Variants in NAV2 observed in about 807,000 individuals in gnomAD.
NAV2 encodes helicase, APC down-regulated 1.
Under a neutral mutation model 223.2 loss-of-function variants are expected in NAV2, and 54 were observed. That is an observed-to-expected ratio of 0.24 (90% CI 0.19 to 0.30). NAV2 has a LOEUF of 0.30. Among genes scored for constraint, NAV2 ranks in the 10% least tolerant of loss-of-function variants. The pLI is 1.00. For synonymous variants in NAV2, 1,279 were observed against 1,239.3 expected, an observed-to-expected ratio of 1.03 and a Z score of -0.67; for missense variants, 2,806 against 3,147.5, an observed-to-expected ratio of 0.89 and a Z score of 2.60.
chr11:19,733,676 G>A (rs918780873), intron 1 of NAV2, among the ~76,000 whole-genome samples: 10 of 152,202 alleles, frequency 6.6e-5, no homozygotes, highest in Non-Finnish European at 1.0e-4. Context: ...GGAGAGGAAA[G>A]AGGGTTTTTC....
chr11:19,572,429 A>G (rs750185460), intron 1 of NAV2, among the ~76,000 whole-genome samples: 2 of 152,070 alleles, frequency 1.3e-5, no homozygotes, highest in Non-Finnish European at 2.9e-5. Flanking sequence ...TTGCTGTAGT[A>G]CTCTATCTGC....
rs906707235 is a variant in NAV2, at chr11:20,120,000, A to T, written c.*1742A>T. 1 of 152,182 alleles carries T rather than the reference A, an allele frequency of 6.6e-6. No homozygotes were observed. Among genetic ancestry groups the T allele is most frequent in the African/African-American group, 2.4e-5 (1 of 41,440 alleles). The allele number at this position is 152,182 out of a possible 1,614,324, so 9.4% of individuals were successfully genotyped here. ...TCTTCAACATACTGGTATTTTCATT[A>T]CAAAGTATGGTAAATTTTTGAGTTG... On this transcript the variant is annotated 3_prime_UTR_variant, in exon 38 of 38. Transcript: ENST00000349880.
At chr11:19,904,956 T>C (rs2042746837) in intron 6 of NAV2, among the ~76,000 whole-genome samples, 1 of 152,300 alleles carries the variant, frequency 6.6e-6, no homozygotes, top group African/African-American at 2.4e-5. Flanking sequence ...GTTGGTGTGA[T>C]TTGTTCTGGA....
chr11:19,756,463 G>A (rs1040535151), intron 1 of NAV2, among the ~76,000 whole-genome samples: 3 of 152,148 alleles, frequency 2.0e-5, no homozygotes, highest in Admixed American at 6.5e-5. Context: ...TGGACTGCGC[G>A]CAAGGGGCAG....
At chr11:19,958,996 T>G (rs1467693474) in intron 10 of NAV2, among the ~76,000 whole-genome samples, 4 of 152,178 alleles carry the variant, frequency 2.6e-5, no homozygotes, top group Non-Finnish European at 5.9e-5. Flanking sequence ...AAACTCAGCC[T>G]GATGTGGGGG....
At chr11:19,995,812 T>G (rs556860793) in intron 11 of NAV2, among the ~76,000 whole-genome samples, 1 of 152,366 alleles carries the variant, frequency 6.6e-6, no homozygotes, top group East Asian at 1.9e-4. Flanking sequence ...AAATTCCAAG[T>G]AACTGAATTG....
At chr11:19,726,474 C>T (rs2051265902) in intron 1 of NAV2, among the ~76,000 whole-genome samples, 1 of 152,204 alleles carries the variant, frequency 6.6e-6, no homozygotes, top group African/African-American at 2.4e-5. Flanking sequence ...CATGGAATGT[C>T]TTCCCCAGAT....
chr11:19,642,529 C>G (rs1381655617), intron 1 of NAV2, among the ~76,000 whole-genome samples: 1 of 152,200 alleles, frequency 6.6e-6, no homozygotes, highest in Non-Finnish European at 1.5e-5. Flanking sequence ...GCTGGATTCT[C>G]TCTGTCTCCT....
intron 10 of NAV2, among the ~76,000 whole-genome samples, chr11:19,978,436 A>T (rs2049996272): frequency 6.6e-6 from 1 of 152,198 alleles, no homozygotes; most frequent in Non-Finnish European, 1.5e-5. Context: ...ATCTAATGCA[A>T]CAAAGTATGT....
chr11:19,623,562 A>G (rs2047073852), intron 1 of NAV2, among the ~76,000 whole-genome samples: 1 of 152,142 alleles, frequency 6.6e-6, no homozygotes, highest in Non-Finnish European at 1.5e-5. Flanking sequence ...CGAATCCGCT[A>G]CTGAAGCTTG....
chr11:19,617,073 T>C (rs994508526), intron 1 of NAV2, among the ~76,000 whole-genome samples: 2 of 152,084 alleles, frequency 1.3e-5, no homozygotes, highest in Admixed American at 6.5e-5. Flanking sequence ...TCTCCTTTTT[T>C]CCCCTATTTT....
chr11:19,481,968 A>G (rs1041621863), intron 1 of NAV2, among the ~76,000 whole-genome samples: 1 of 152,222 alleles, frequency 6.6e-6, no homozygotes, highest in African/African-American at 2.4e-5. Context: ...ATGCCCCTTC[A>G]TGTTACTTTC....
chr11:20,105,847 T>C, intron 35 of NAV2, 120 bp downstream of exon 35: 2 of 794,308 alleles, frequency 2.5e-6, no homozygotes, highest in East Asian at 2.6e-5. Flanking sequence ...TCCATAAAGA[T>C]AGAAAGTGGG....
At chr11:20,054,477 A>G (rs553775651) in intron 18 of NAV2, among the ~76,000 whole-genome samples, 2 of 152,312 alleles carry the variant, frequency 1.3e-5, no homozygotes, top group African/African-American at 4.8e-5. Context: ...CCTCGGCAAT[A>G]TAGATCGATT....
At chr11:20,029,156 T>G (rs2055428762) in intron 11 of NAV2, among the ~76,000 whole-genome samples, 1 of 152,192 alleles carries the variant, frequency 6.6e-6, no homozygotes, top group Non-Finnish European at 1.5e-5. Flanking sequence ...GTACCAACTT[T>G]TCTCTGAGCA....
chr11:19,929,032 A>C (rs1343670275), intron 6 of NAV2, among the ~76,000 whole-genome samples: 1 of 152,132 alleles, frequency 6.6e-6, no homozygotes, highest in East Asian at 1.9e-4. Flanking sequence ...AAGTGGCTGG[A>C]TCCCTTGAGC....
intron 11 of NAV2, among the ~76,000 whole-genome samples, chr11:19,991,219 C>T (rs752458175): frequency 5.0e-4 from 76 of 152,280 alleles, no homozygotes; most frequent in Middle Eastern, 3.4e-3. Context: ...ACCTCCACCC[C>T]GGCTCAAGTG....
At chr11:19,493,540 C>T (rs1009074617) in intron 1 of NAV2, among the ~76,000 whole-genome samples, 3 of 152,118 alleles carry the variant, frequency 2.0e-5, no homozygotes, top group African/African-American at 7.2e-5. Flanking sequence ...TATAAAAAAG[C>T]TCGGCATCCC....
chr11:19,823,930 A>C (rs7932518), intron 1 of NAV2, among the ~76,000 whole-genome samples: 5,160 of 152,188 alleles, frequency 0.034, 275 homozygotes, highest in African/African-American at 0.12. Context: ...AAAGACAAGA[A>C]AAGAAAAGAA....
Sources: gnomAD v4.1 joint callset for allele counts (sites outside exome capture counted in the v4.1 genomes callset) on GRCh38, gnomAD v4.1.1 for gene constraint, MANE v1.5 for transcripts, NCBI Gene and HGNC (gene_info 2026-07-23, HGNC 2026-07-21) for gene names.